Variants in MAP1A observed in about 807,000 individuals in gnomAD.
The protein encoded by MAP1A is microtubule associated protein 1A.
Under a neutral mutation model 185.9 loss-of-function variants are expected in MAP1A, and 42 were observed. That is an observed-to-expected ratio of 0.23 (90% CI 0.18 to 0.29). The LOEUF is 0.29. Among genes scored for constraint, MAP1A ranks in the 10% least tolerant of loss-of-function variants. MAP1A has a pLI of 1.00. For synonymous variants in MAP1A, 1,229 were observed against 1,335.9 expected (o/e 0.92, Z 1.74); for missense variants, 2,995 against 3,450.4 (o/e 0.87, Z 3.31).
Position 43,525,829 on chromosome 15 carries a change from G to A in MAP1A, c.4356G>A (p.Glu1452=). The change falls in exon 4 of 6, where the codon GAG becomes GAA. Residue 1452 remains glutamate, a synonymous_variant. Coordinates refer to ENST00000300231, the MANE Select transcript of MAP1A (RefSeq NM_002373.6). ...ALEQKDKIPE[E]KDKALEQKDT... ...AACAGAAGGATAAGATTCCAGAAGA[G>A]AAAGACAAAGCCTTAGAACAAAAGG... 1 of 1,580,214 alleles carries A rather than the reference G, an allele frequency of 6.3e-7. No homozygotes were observed. The highest frequency in any genetic ancestry group is 2.4e-5 in the East Asian group (1 of 41,084).
chr15:43,529,275 T>C lies in MAP1A; in HGVS notation c.7802T>C (p.Val2601Ala), dbSNP rs1595651658. 6.2e-7 allele frequency: 1 copy of C among 1,610,866 alleles called. No individual in the cohort carries two copies. The highest frequency in any genetic ancestry group is 8.5e-7 in the Non-Finnish European group (1 of 1,179,146). ...GAGAGGCTACGGGAGAAGGAAAAGG[T>C]TCAGGGGCGAGTAGGGCGCAGGGCC... ...RVERLREKEK[V>A]QGRVGRRAPG... is the part of the protein sequence containing the mutation. Residue 2601 changes from valine to alanine, a missense_variant, in exon 4 of 6, where the codon GTT (valine) becomes GCT (alanine). Val to Ala is a moderately conservative substitution (Grantham distance 64). Transcript: ENST00000300231. The surrounding 1 kb of genome is among the most constrained non-coding windows in gnomAD (Gnocchi z 4.3).
In MAP1A at chr15:43,526,919, C is replaced by T; in HGVS notation, c.5446C>T (p.Gln1816Ter). The change falls in exon 4 of 6, where the codon CAA becomes TAA. Residue 1816 changes from glutamine to a stop codon, truncating the protein, a stop_gained. Transcript: ENST00000300231. LOFTEE classifies it high-confidence loss of function. The surrounding 1 kb of genome is among the most constrained non-coding windows in gnomAD (Gnocchi z 4.7). ...ACAAAGGGTTCCTTCAGCCCCAGGA[C>T]AAGAGAGTCCTATCCCAGACCCTAA... ...VGQRVPSAPG[Q>*]ESPIPDPKLM... is the part of the protein sequence containing the mutation. The T allele has an allele frequency of 6.2e-7, 1 of 1,614,068 alleles. No individual in the cohort carries two copies. Among genetic ancestry groups the T allele is most frequent in the Non-Finnish European group, 8.5e-7 (1 of 1,179,978 alleles).
intron 2 of MAP1A, among the ~76,000 whole-genome samples, chr15:43,512,593 C>T (rs1480589000): frequency 6.6e-6 from 1 of 152,320 alleles, no homozygotes; most frequent in South Asian, 2.1e-4. Context: ...TCATCTCTCA[C>T]GCAAAAATTC....
chr15:43,522,000 T>C lies in MAP1A; in HGVS notation c.527T>C (p.Leu176Pro). The C allele has an allele frequency of 1.2e-6, 2 of 1,614,194 alleles. No homozygotes were observed. The highest frequency in any genetic ancestry group is 1.7e-6 in the Non-Finnish European group (2 of 1,180,030). ...CGCCTGGGCATCCAGGCTGAGCCTC[T>C]ATATCGTGTGGTCAGCAATACCATT... ...LNRLGIQAEP[L>P]YRVVSNTIEP... Residue 176 changes from leucine (L) to proline (P), a missense_variant, in exon 4 of 6, where the codon CTA (leucine) becomes CCA (proline). Physicochemically the swap from Leu to Pro is moderately conservative, Grantham distance 98. Coordinates refer to ENST00000300231, the MANE Select transcript of MAP1A (RefSeq NM_002373.6). This position sits in a 1 kb window ranked among gnomAD's most constrained non-coding sequence, Gnocchi z 4.6.
In MAP1A at chr15:43,523,266, A is replaced by G. The variant is rs928808261; in HGVS notation, c.1793A>G (p.Glu598Gly). ...ATGAAGGAGAAAGAGCTTGTCCCAGAGGTCCCTGAGGAACAAGGCAGCAAG... is the reference window on the plus strand; with the variant it reads ...ATGAAGGAGAAAGAGCTTGTCCCAGGGGTCCCTGAGGAACAAGGCAGCAAG... ...HVMKEKELVPEVPEEQGSKDR... is the reference protein window; with the variant it reads ...HVMKEKELVPGVPEEQGSKDR... Residue 598 changes from glutamate to glycine, a missense_variant, in exon 4 of 6, where the codon GAG (glutamate) becomes GGG (glycine). Physicochemically the swap from Glu to Gly is moderately conservative, Grantham distance 98. This residue lies in a region of MAP1A where 2,728 missense variants were observed against 2,986.0 expected (regional missense o/e 0.91). Transcript: ENST00000300231. 3.7e-6 allele frequency: 6 copies of G among 1,613,710 alleles called. No homozygotes were observed. The highest frequency in any genetic ancestry group is 5.1e-6 in the Non-Finnish European group (6 of 1,179,860).
chr15:43,528,225 C>T lies in MAP1A; in HGVS notation c.6752C>T (p.Ala2251Val), dbSNP rs28438815. Residue 2251 changes from alanine (A) to valine (V), a missense_variant, in exon 4 of 6, where the codon GCC becomes GTC. By Grantham distance (64) the Ala-to-Val change is moderately conservative. Coordinates refer to ENST00000300231, the MANE Select transcript of MAP1A (RefSeq NM_002373.6). ...APLLSNLPRP[A>V]SPALSEGSSS... The stretch of plus-strand genomic sequence containing the variant: ...CTCCTCTCCAATCTGCCACGACCTG[C>T]CTCACCAGCCCTGTCTGAGGGCTCC... The T allele has an allele frequency of 0.021, 34,495 of 1,614,086 alleles. 493 individuals are homozygous for T. The highest frequency in any genetic ancestry group is 0.034 in the Middle Eastern group (209 of 6,062).
At position 43,522,479 on chromosome 15, in the gene MAP1A, A is replaced by G; in HGVS notation, c.1006A>G (p.Lys336Glu). ...TTKTAVSKLA[K>E]REEVVEEGAK... ...CAAGACGGCCGTGAGCAAGTTGGCC[A>G]AACGGGAGGAGGTGGTAGAAGAGGG... Residue 336 changes from lysine (K) to glutamate (E), a missense_variant, in exon 4 of 6, where the codon AAA becomes GAA. By Grantham distance (56) the Lys-to-Glu change is moderately conservative (BLOSUM62 1). Transcript: ENST00000300231. This position sits in a 1 kb window ranked among gnomAD's most constrained non-coding sequence, Gnocchi z 5.9. 6.2e-7 allele frequency: 1 copy of G among 1,614,070 alleles called. No homozygotes were observed. Among genetic ancestry groups the G allele is most frequent in the Non-Finnish European group, 8.5e-7 (1 of 1,180,000 alleles).
chr15:43,523,604 C>G lies in MAP1A; in HGVS notation c.2131C>G (p.Pro711Ala). The G allele has an allele frequency of 1.2e-6, 2 of 1,614,096 alleles. No individual in the cohort carries two copies. Among genetic ancestry groups the G allele is most frequent in the Non-Finnish European group, 1.7e-6 (2 of 1,180,010 alleles). The change falls in exon 4 of 6, where the codon CCT becomes GCT. Residue 711 changes from proline to alanine, a missense_variant. By Grantham distance (27) the Pro-to-Ala change is conservative (BLOSUM62 -1). This residue lies in a region of MAP1A where 2,728 missense variants were observed against 2,986.0 expected (regional missense o/e 0.91). Coordinates refer to ENST00000300231, the MANE Select transcript of MAP1A (RefSeq NM_002373.6). ...GRELGLQGKA[P>A]EKETSLFLSS... ...GGAATTGGGACTCCAGGGCAAGGCC[C>G]CTGAGAAGGAGACCTCGTTATTCCT...
chr15:43,511,373 C>A (rs138121065), intron 1 of MAP1A: 2 of 653,666 alleles, frequency 3.1e-6, no homozygotes, highest in Non-Finnish European at 5.4e-6. Flanking sequence ...ATCTTCCATG[C>A]CATGTGTCCG....
chr15:43,519,118 A>C (rs887890380), intron 1 of MAP1A, among the ~76,000 whole-genome samples: 3 of 152,076 alleles, frequency 2.0e-5, no homozygotes, highest in Non-Finnish European at 4.4e-5. Context: ...TGTCTTTCTA[A>C]ATCTGAACGA....
chr15:43,523,648 T>C lies in MAP1A; in HGVS notation c.2175T>C (p.Pro725=). The change falls in exon 4 of 6, where the codon CCT becomes CCC. Residue 725 remains proline (P), a synonymous_variant. Coordinates refer to ENST00000300231, the MANE Select transcript of MAP1A (RefSeq NM_002373.6). ...TATTCCTAAGCAGCCTGACCACACC[T>C]GCAGGAGCCACTGAGCATGTCTCTT... ...TSLFLSSLTT[P]AGATEHVSYI... 1 of 1,614,024 alleles carries C rather than the reference T, an allele frequency of 6.2e-7. No homozygotes were observed. Among genetic ancestry groups the C allele is most frequent in the South Asian group, 1.1e-5 (1 of 91,074 alleles).
chr15:43,528,646 G>C lies in MAP1A; in HGVS notation c.7173G>C (p.Gly2391=). The C allele has an allele frequency of 6.2e-7, 1 of 1,613,396 alleles. No individual in the cohort carries two copies. The highest frequency in any genetic ancestry group is 8.5e-7 in the Non-Finnish European group (1 of 1,179,864). ...EAAACPAWER[G]AWPEGAERSS... ...CGGCTTGCCCTGCCTGGGAACGTGG[G>C]GCCTGGCCTGAAGGAGCTGAGAGGA... The change falls in exon 4 of 6, where the codon GGG becomes GGC. Residue 2391 remains glycine, a synonymous_variant. Coordinates refer to ENST00000300231, the MANE Select transcript of MAP1A (RefSeq NM_002373.6).
At position 43,521,859 on chromosome 15, in the gene MAP1A, C is replaced by T; in HGVS notation, c.386C>T (p.Ser129Phe). 1 of 1,614,206 alleles carries T rather than the reference C, an allele frequency of 6.2e-7. No homozygotes were observed. The highest frequency in any genetic ancestry group is 8.5e-7 in the Non-Finnish European group (1 of 1,180,032). ...AGCGACTGGGTGAAGAACCTTATCT[C>T]TCCTGAGCTTGGAGTTGTCTTTTTC... is the stretch of plus-strand genomic sequence containing the variant. ...SYSDWVKNLI[S>F]PELGVVFFNV... Residue 129 changes from serine to phenylalanine, a missense_variant, in exon 4 of 6, where the codon TCT (serine) becomes TTT (phenylalanine). Around this residue, in one of 3 missense-constraint regions of MAP1A, gnomAD observed 264 missense variants for 435.3 expected, o/e 0.61. Coordinates refer to ENST00000300231, the MANE Select transcript of MAP1A (RefSeq NM_002373.6). The surrounding 1 kb of genome is among the most constrained non-coding windows in gnomAD (Gnocchi z 4.6).
chr15:43,527,113 A>G lies in MAP1A; in HGVS notation c.5640A>G (p.Thr1880=). 1 of 1,601,582 alleles carries G rather than the reference A, an allele frequency of 6.2e-7. No individual in the cohort carries two copies. Among genetic ancestry groups the G allele is most frequent in the South Asian group, 1.1e-5 (1 of 88,986 alleles). ...SHTPAPFSWG[T]AEYDSVVAAV... ...CTCCTGCACCCTTCTCTTGGGGCAC[A>G]GCCGAGTATGACAGTGTGGTGGCTG... The change falls in exon 4 of 6, where the codon ACA becomes ACG. Residue 1880 remains threonine (T), a synonymous_variant. Transcript: ENST00000300231.
At chr15:43,512,305 T>A in intron 2 of MAP1A, 2 of 1,497,248 alleles carry the variant, frequency 1.3e-6, no homozygotes, top group Non-Finnish European at 1.8e-6. Flanking sequence ...AGGACTAATG[T>A]TTTATTTCAG....
At chr15:43,515,618 CT>C (rs201096454), upstream of MAP1A, among the ~76,000 whole-genome samples, 1 of 152,016 alleles carries the variant, frequency 6.6e-6, no homozygotes, top group Admixed American at 6.6e-5. Flanking sequence ...AATGAAGAAG[CT>C]TTTTTTTCAT....
chr15:43,512,392 G>A, intron 2 of MAP1A: 1 of 769,280 alleles, frequency 1.3e-6, no homozygotes, highest in Non-Finnish European at 2.2e-6. Flanking sequence ...GAGTGGAGGA[G>A]AAGGGAGGAA....
chr15:43,521,355 G>C lies in MAP1A; in HGVS notation c.-119G>C. 6.2e-7 allele frequency: 1 copy of C among 1,612,952 alleles called. No individual in the cohort carries two copies. Among genetic ancestry groups the C allele is most frequent in the Non-Finnish European group, 8.5e-7 (1 of 1,179,704 alleles). The stretch of plus-strand genomic sequence containing the variant: ...CAATTGCTCAGCAATAGAGACCCTG[G>C]GATACAGGCCTTCCTTACCGTGTCC... On this transcript the variant is annotated 5_prime_UTR_variant, in exon 4 of 6. Transcript: ENST00000300231. The surrounding 1 kb of genome is among the most constrained non-coding windows in gnomAD (Gnocchi z 4.6).
At position 43,523,303 on chromosome 15, in the gene MAP1A, A is replaced by G. The variant is rs2079327755; in HGVS notation, c.1830A>G (p.Leu610=). Reference sequence around the variant, plus strand: ...AACAAGGCAGCAAGGACAGAGGCCTAGACTCTGGGGCTGAAACAGAGGAAG... The same window carrying G: ...AACAAGGCAGCAAGGACAGAGGCCTGGACTCTGGGGCTGAAACAGAGGAAG... The part of the protein sequence containing the change: ...PEEQGSKDRG[L]DSGAETEEEK... The change falls in exon 4 of 6, where the codon CTA becomes CTG. Residue 610 remains leucine (L), a synonymous_variant. Coordinates refer to ENST00000300231, the MANE Select transcript of MAP1A (RefSeq NM_002373.6). 2.5e-6 allele frequency: 4 copies of G among 1,612,530 alleles called. No individual in the cohort carries two copies. Among genetic ancestry groups the G allele is most frequent in the Non-Finnish European group, 3.4e-6 (4 of 1,179,228 alleles).
Sources: allele counts gnomAD v4.1 joint callset (sites outside exome capture counted in the v4.1 genomes callset), GRCh38; gene constraint gnomAD v4.1.1; regional missense constraint gnomAD v4.1.1; non-coding constraint Gnocchi (gnomAD v3.1); transcripts MANE v1.5; gene names NCBI Gene and HGNC (gene_info 2026-07-23, HGNC 2026-07-21).